Variants in ANKFY1 observed in about 807,000 individuals in gnomAD.
ANKFY1 encodes ankyrin repeat and FYVE domain containing 1.
Under a neutral mutation model 128.3 loss-of-function variants are expected in ANKFY1, and 47 were observed. The observed-to-expected ratio is 0.37, with a 90% confidence interval of 0.29 to 0.47. ANKFY1 has a LOEUF of 0.47. Ranked by LOEUF, ANKFY1 falls within the 20% of genes least tolerant of loss-of-function variation. ANKFY1 has a pLI of 1.00. For synonymous variants in ANKFY1, 553 were observed against 601.6 expected (o/e 0.92, Z 1.18); for missense variants, 1,222 against 1,510.6 (o/e 0.81, Z 3.17).
In ANKFY1 at chr17:4,177,187, G is replaced by C; in HGVS notation, c.2714C>G (p.Ser905Cys). ...ANVNSRVQDA[S>C]KLTPLHLAVQ... is the part of the protein sequence containing the mutation. ...AGCGAGGTGCAGGGGGGTCAACTTGGAGGCATCCTGGACTCTTGAATTCAC... is the reference window on the plus strand; with the variant it reads ...AGCGAGGTGCAGGGGGGTCAACTTGCAGGCATCCTGGACTCTTGAATTCAC... The change falls in exon 19 of 25, where the codon TCC (serine) becomes TGC (cysteine). Residue 905 changes from serine (S) to cysteine (C), a missense_variant. Coordinates refer to ENST00000341657, the MANE Select transcript of ANKFY1 (RefSeq NM_001330063.2). 6.2e-7 allele frequency: 1 copy of C among 1,608,522 alleles called. No individual in the cohort carries two copies. Among genetic ancestry groups the C allele is most frequent in the Non-Finnish European group, 8.5e-7 (1 of 1,177,170 alleles).
At chr17:4,234,793 G>A (rs1474854145) in intron 3 of ANKFY1, among the ~76,000 whole-genome samples, 1 of 152,106 alleles carries the variant, frequency 6.6e-6, no homozygotes, top group East Asian at 1.9e-4. Flanking sequence ...ACAGGCATGA[G>A]CCACCATACC....
intron 14 of ANKFY1, among the ~76,000 whole-genome samples, chr17:4,182,626 T>C (rs946330247): frequency 1.4e-4 from 22 of 152,330 alleles, no homozygotes; most frequent in African/African-American, 5.3e-4. Context: ...AAAATGCCAC[T>C]CCAAGAACCC....
At chr17:4,196,918 G>A (rs550327252) in intron 8 of ANKFY1, among the ~76,000 whole-genome samples, 9 of 152,240 alleles carry the variant, frequency 5.9e-5, no homozygotes, top group Admixed American at 3.9e-4. Flanking sequence ...TCAGGAGTTC[G>A]AGGCCAGCCT....
At chr17:4,256,235 T>C (rs1420915918) in intron 1 of ANKFY1, among the ~76,000 whole-genome samples, 1 of 151,986 alleles carries the variant, frequency 6.6e-6, no homozygotes, top group Admixed American at 6.5e-5. Context: ...GAGACCATCC[T>C]GGCTAACAGA....
chr17:4,224,426 G>A (rs1000013345), intron 3 of ANKFY1, among the ~76,000 whole-genome samples: 29 of 151,624 alleles, frequency 1.9e-4, no homozygotes, highest in South Asian at 2.1e-4. Context: ...GTTTCACTGC[G>A]TTAGCCAGGA....
chr17:4,167,637 C>T lies in ANKFY1; in HGVS notation c.*142G>A. On this transcript the variant is annotated 3_prime_UTR_variant, in exon 25 of 25. Coordinates refer to ENST00000341657, the MANE Select transcript of ANKFY1 (RefSeq NM_001330063.2). This position sits in a 1 kb window ranked among gnomAD's most constrained non-coding sequence, Gnocchi z 4.1. ...TGGAATCATTTGAAATGGGATCTAT[C>T]ACACCATGGTCCTTAATCGTTCCAG... 1.3e-6 allele frequency: 1 copy of T among 751,622 alleles called. No individual in the cohort carries two copies. The highest frequency in any genetic ancestry group is 1.8e-5 in the African/African-American group (1 of 56,924). The allele number at this position is 751,622 out of a possible 1,614,324, so 46.6% of individuals were successfully genotyped here.
chr17:4,192,207 T>C (rs1308747107), intron 10 of ANKFY1, among the ~76,000 whole-genome samples: 1 of 149,912 alleles, frequency 6.7e-6, no homozygotes, highest in Non-Finnish European at 1.5e-5. Flanking sequence ...TCCTAGTTGA[T>C]GGTTGCTCTA....
chr17:4,229,678 C>T (rs960989445), intron 3 of ANKFY1, among the ~76,000 whole-genome samples: 10 of 152,154 alleles, frequency 6.6e-5, no homozygotes, highest in African/African-American at 2.4e-4. Context: ...AATATAACCG[C>T]AGATAAAATA....
chr17:4,219,300 A>C (rs1426293508), intron 3 of ANKFY1, among the ~76,000 whole-genome samples: 1 of 152,234 alleles, frequency 6.6e-6, no homozygotes, highest in African/African-American at 2.4e-5. Context: ...ACTTAAAATC[A>C]TGGTCAACGC....
intron 1 of ANKFY1, among the ~76,000 whole-genome samples, chr17:4,248,129 A>G (rs1967652460): frequency 6.6e-6 from 1 of 152,082 alleles, no homozygotes; most frequent in South Asian, 2.1e-4. Context: ...GGAAAATGAG[A>G]CTAATGATAC....
In ANKFY1 at chr17:4,206,199, T is replaced by C. The variant is rs1178149929; in HGVS notation, c.898+122A>G. 3.9e-6 allele frequency: 4 copies of C among 1,038,420 alleles called. No homozygotes were observed. The East Asian group carries it at 7.2e-5, about 19-fold the overall frequency. The allele number at this position is 1,038,420 out of a possible 1,614,324, so 64.3% of individuals were successfully genotyped here. On this transcript the variant is annotated intron_variant, in intron 7 of 24. Transcript: ENST00000341657. The stretch of plus-strand genomic sequence containing the variant: ...CCCAATGATCAAATTCTAGATCATG[T>C]AGCCTGTGAGTACAGACTACAGAAG...
Position 4,169,236 on chromosome 17 carries a change from G to A in ANKFY1, c.3339C>T (p.Cys1113=), listed in dbSNP as rs778141152. 6.4e-7 allele frequency: 1 copy of A among 1,552,878 alleles called. No individual in the cohort carries two copies. The highest frequency in any genetic ancestry group is 1.2e-5 in the South Asian group (1 of 84,134). Residue 1113 remains cysteine, a synonymous_variant, in exon 24 of 25, where the codon TGC becomes TGT. Coordinates refer to ENST00000341657, the MANE Select transcript of ANKFY1 (RefSeq NM_001330063.2). This position sits in a 1 kb window ranked among gnomAD's most constrained non-coding sequence, Gnocchi z 5.0. The stretch of plus-strand genomic sequence containing the variant: ...GAGTGGTGACTCCGAACCTGGCAGT[G>A]CACTCATAGCAGTAGGAGCCGTCAC... ...PWCDGSYCYE[C]TARFGVTTRK... is the part of the protein sequence containing the mutation.
At chr17:4,170,481 G>A (rs947663584) in intron 23 of ANKFY1, among the ~76,000 whole-genome samples, 21 of 152,244 alleles carry the variant, frequency 1.4e-4, no homozygotes, top group Non-Finnish European at 1.5e-4. Context: ...AGAAGGTTGT[G>A]GGGTGTGGGA....
chr17:4,214,516 A>G (rs1460219096), intron 4 of ANKFY1, among the ~76,000 whole-genome samples: 1 of 151,534 alleles, frequency 6.6e-6, no homozygotes, highest in East Asian at 1.9e-4. Context: ...AAAAACGATA[A>G]ACCTAACTTT....
Position 4,195,195 on chromosome 17 carries a change from T to C in ANKFY1, c.1173-18A>G, listed in dbSNP as rs1303618008. ...AATCTAGTCTGAAAAGCAGAAGCAG[T>C]GTCAACAGCACATACAATCTTTTTG... On this transcript the variant is annotated intron_variant, in intron 9 of 24. Transcript: ENST00000341657. 6.3e-7 allele frequency: 1 copy of C among 1,591,616 alleles called. No homozygotes were observed. Among genetic ancestry groups the C allele is most frequent in the African/African-American group, 1.3e-5 (1 of 74,604 alleles).
chr17:4,243,016 T>C (rs9911475), intron 1 of ANKFY1, among the ~76,000 whole-genome samples: 47,764 of 152,162 alleles, frequency 0.31, 8,232 homozygotes, highest in Admixed American at 0.39. Context: ...TTCTTCTAAA[T>C]GCTTTACATA....
In ANKFY1 at chr17:4,178,588, C is replaced by T. The variant is rs538915730; in HGVS notation, c.2598+269G>A. 5.5e-5 allele frequency: 28 copies of T among 512,190 alleles called. No homozygotes were observed. The highest frequency in any genetic ancestry group is 4.8e-4 in the African/African-American group (25 of 52,308). 31.7% of individuals were successfully genotyped at this position (512,190 alleles called of 1,614,324 possible). ...TAGCAAAAGCAAAGAATGAGCTCAA[C>T]TGTACATGCCACAGAATTCCTACGA... On this transcript the variant is annotated intron_variant, in intron 18 of 24. Transcript: ENST00000341657. The surrounding 1 kb of genome is among the most constrained non-coding windows in gnomAD (Gnocchi z 4.1).
In ANKFY1 at chr17:4,235,869, C is replaced by T; in HGVS notation, c.225G>A (p.Gly75=). Residue 75 remains glycine, a synonymous_variant, in exon 3 of 25, where the codon GGG becomes GGA. Coordinates refer to ENST00000341657, the MANE Select transcript of ANKFY1 (RefSeq NM_001330063.2). ...EQYSDLKIKV[G]DRHISAHKFV... The stretch of plus-strand genomic sequence containing the variant: ...ACTTGTGAGCACTGATGTGCCTGTC[C>T]CCAACCTTTATCTTCAGATCGCTGA... The T allele has an allele frequency of 1.2e-6, 2 of 1,613,850 alleles. No homozygotes were observed. Among genetic ancestry groups the T allele is most frequent in the Non-Finnish European group, 1.7e-6 (2 of 1,179,820 alleles).
chr17:4,184,704 G>A (rs1418848369), intron 12 of ANKFY1, 114 bp downstream of exon 12: 7 of 1,166,266 alleles, frequency 6.0e-6, no homozygotes, highest in East Asian at 2.5e-5. Context: ...TTTTTTGGGG[G>A]TAAGAAACTA....
Sources: allele counts gnomAD v4.1 joint callset (sites outside exome capture counted in the v4.1 genomes callset), GRCh38; gene constraint gnomAD v4.1.1; non-coding constraint Gnocchi (gnomAD v3.1); transcripts MANE v1.5; gene names NCBI Gene and HGNC (gene_info 2026-07-23, HGNC 2026-07-21).